The following ARV1 variants were observed in gnomAD, a reference collection of about 807,000 sequenced individuals.
ARV1 encodes ARV1 fatty acid homeostasis modulator.
In ARV1, 26 loss-of-function variants were observed where a neutral mutation model predicts 31.1. That is an observed-to-expected ratio of 0.84 (90% CI 0.61 to 1.16). The LOEUF (loss-of-function observed/expected upper bound fraction) is 1.16, where lower values mean the gene tolerates loss of function less well. ARV1 is among the 50% of genes most tolerant of loss of function. The pLI is 0.00. For missense variants in ARV1, 281 were observed against 324.9 expected (o/e 0.86, Z 1.04); for synonymous variants, 117 against 123.2 (o/e 0.95, Z 0.34).
chr1:230,979,406 C>A, intron 1 of ARV1, 127 bp downstream of exon 1: 2 of 1,090,932 alleles, frequency 1.8e-6, no homozygotes, highest in Non-Finnish European at 2.7e-6. Context: ...GGGATCTTTG[C>A]ATGAATATCT....
intron 1 of ARV1, among the ~76,000 whole-genome samples, chr1:230,987,146 A>G (rs752844958): frequency 6.6e-6 from 1 of 152,174 alleles, no homozygotes; most frequent in Admixed American, 6.5e-5. Context: ...CAGTACTGCA[A>G]TCCTCAATCC....
chr1:230,988,069 A>G (rs1679131648), intron 1 of ARV1, among the ~76,000 whole-genome samples: 1 of 152,212 alleles, frequency 6.6e-6, no homozygotes, highest in Non-Finnish European at 1.5e-5. Context: ...TTTAAATTAG[A>G]TATATTTTTA....
At chr1:230,996,173 T>C (rs1010444966) in intron 4 of ARV1, among the ~76,000 whole-genome samples, 189 bp downstream of exon 4, 8 of 152,298 alleles carry the variant, frequency 5.3e-5, no homozygotes, top group African/African-American at 1.9e-4. Flanking sequence ...TTTAACCATA[T>C]AGTACTTTAT....
chr1:230,984,120 C>T (rs928859800), intron 1 of ARV1, among the ~76,000 whole-genome samples: 4 of 152,108 alleles, frequency 2.6e-5, no homozygotes, highest in Admixed American at 6.5e-5. Context: ...CATGGTGGCA[C>T]GCGCCTGTAG....
chr1:230,995,109 G>A (rs954214535), intron 3 of ARV1, among the ~76,000 whole-genome samples: 5 of 152,214 alleles, frequency 3.3e-5, no homozygotes, highest in African/African-American at 1.2e-4. Context: ...TAAAAGAGAT[G>A]TTAAATTCCT....
intron 3 of ARV1, among the ~76,000 whole-genome samples, chr1:230,992,319 C>G (rs996348888): frequency 1.5e-4 from 23 of 152,200 alleles, no homozygotes; most frequent in African/African-American, 5.3e-4. Context: ...TTTGAAGTGG[C>G]TCTTCCTGTG....
chr1:230,979,627 T>A lies in ARV1; in HGVS notation c.174+348T>A, dbSNP rs1572330910. On this transcript the variant is annotated intron_variant, in intron 1 of 5. Coordinates refer to ENST00000310256, the MANE Select transcript of ARV1 (RefSeq NM_022786.3). ...TCTTCTCCCTTTGACAGAGAGATGG[T>A]ACCATCCTTACCCTCCACAACCCAT... 2.8e-5 allele frequency: 8 copies of A among 286,968 alleles called. No homozygotes were observed. In the East Asian group the frequency reaches 9.8e-4, roughly 35 times the overall value. The allele number at this position is 286,968 out of a possible 1,614,324, so 17.8% of individuals were successfully genotyped here.
chr1:230,998,227 C>T (rs1433969342), intron 5 of ARV1, among the ~76,000 whole-genome samples: 4 of 152,136 alleles, frequency 2.6e-5, no homozygotes, highest in Non-Finnish European at 4.4e-5. Flanking sequence ...GAAGGCTGGG[C>T]CAGAGAGTGA....
chr1:230,980,545 C>T (rs1678856745), intron 1 of ARV1, among the ~76,000 whole-genome samples: 1 of 152,024 alleles, frequency 6.6e-6, no homozygotes, highest in Non-Finnish European at 1.5e-5. Context: ...CCATGTTGAC[C>T]AGGCTGGTCT....
At chr1:230,989,303 A>G (rs1679170050) in intron 2 of ARV1, among the ~76,000 whole-genome samples, 1 of 151,924 alleles carries the variant, frequency 6.6e-6, no homozygotes, top group Admixed American at 6.6e-5. Context: ...AAGCCCAGCT[A>G]ATTTTTGTAT....
intron 1 of ARV1, among the ~76,000 whole-genome samples, chr1:230,984,929 T>C (rs1251945267): frequency 6.6e-6 from 1 of 152,170 alleles, no homozygotes; most frequent in Non-Finnish European, 1.5e-5. Context: ...ATTGGGCTTT[T>C]TTGAAATGCT....
chr1:230,991,382 A>G (rs1350540352), intron 3 of ARV1, among the ~76,000 whole-genome samples: 2 of 152,268 alleles, frequency 1.3e-5, no homozygotes, highest in Non-Finnish European at 2.9e-5. Context: ...ACCTTTCTCC[A>G]GACCTCCAGA....
chr1:230,980,326 G>GT (rs59900955), intron 1 of ARV1, among the ~76,000 whole-genome samples: 36 of 149,934 alleles, frequency 2.4e-4, no homozygotes, highest in African/African-American at 2.5e-4. Flanking sequence ...TCTTATTTCG[G>GT]TTTTTTTTTT....
At position 230,995,913 on chromosome 1, in the gene ARV1, A is replaced by G. The variant is rs763071962; in HGVS notation, c.602A>G (p.His201Arg). 2.5e-6 allele frequency: 4 copies of G among 1,614,174 alleles called. No individual in the cohort carries two copies. The highest frequency in any genetic ancestry group is 1.1e-5 in the South Asian group (1 of 91,088). Residue 201 changes from histidine (H) to arginine (R), a missense_variant, in exon 4 of 6, where the codon CAT becomes CGT. Transcript: ENST00000310256. ...LLLIPAVIWE[H>R]DYTSVCLKLI... Reference sequence around the variant, plus strand: ...CTGATTCCAGCTGTCATTTGGGAACATGACTACACATCTGTGTGCCTCAAA... The same window carrying G: ...CTGATTCCAGCTGTCATTTGGGAACGTGACTACACATCTGTGTGCCTCAAA...
intron 1 of ARV1, among the ~76,000 whole-genome samples, chr1:230,987,520 CAT>C (rs1033789221): frequency 6.6e-6 from 1 of 152,194 alleles, no homozygotes; most frequent in Admixed American, 6.5e-5. Context: ...ATTGTAATCA[CAT>C]GTGTCTAGAG....
chr1:230,990,092 A>C lies in ARV1; in HGVS notation c.295-18A>C, dbSNP rs1679187241. ...GGGTTTCCTTACCTAATTGAATGGC[A>C]ATGTCTTTGACTATCAGATCCATGG... On this transcript the variant is annotated intron_variant, in intron 2 of 5. Coordinates refer to ENST00000310256, the MANE Select transcript of ARV1 (RefSeq NM_022786.3). The C allele has an allele frequency of 1.9e-6, 3 of 1,587,256 alleles. No individual in the cohort carries two copies. In the African/African-American group the frequency reaches 4.1e-5, roughly 22 times the overall value.
intron 4 of ARV1, among the ~76,000 whole-genome samples, chr1:230,996,308 G>T (rs933937550): frequency 6.6e-6 from 1 of 152,150 alleles, no homozygotes; most frequent in Admixed American, 6.5e-5. Flanking sequence ...ACGTTACATG[G>T]CTGGGCAGTT....
chr1:230,999,318 CA>C (rs1014420972), intron 5 of ARV1, among the ~76,000 whole-genome samples: 1 of 152,138 alleles, frequency 6.6e-6, no homozygotes, highest in African/African-American at 2.4e-5. Context: ...TCTTTTCACC[CA>C]CACCTCACCC....
chr1:230,992,010 G>A (rs1679241473), intron 3 of ARV1, among the ~76,000 whole-genome samples: 3 of 152,282 alleles, frequency 2.0e-5, no homozygotes, highest in East Asian at 1.9e-4. Context: ...TCCTTCACCT[G>A]CATGACTACA....
Sources: gnomAD v4.1 joint callset for allele counts (sites outside exome capture counted in the v4.1 genomes callset) on GRCh38, gnomAD v4.1.1 for gene constraint, MANE v1.5 for transcripts, NCBI Gene and HGNC (gene_info 2026-07-23, HGNC 2026-07-21) for gene names.